Variants in SVEP1 observed in about 807,000 individuals in gnomAD.
The protein encoded by SVEP1 is sushi, von Willebrand factor type A, EGF and pentraxin domain containing 1.
In SVEP1, 164 loss-of-function variants were observed where a neutral mutation model predicts 367.3. The observed-to-expected ratio is 0.45, with a 90% CI of 0.39 to 0.51. The LOEUF is 0.51. Ranked by LOEUF, SVEP1 falls within the 20% of genes least tolerant of loss-of-function variation. SVEP1 has a pLI of 0.00. For synonymous variants in SVEP1, 1,666 were observed against 1,611.6 expected, an observed-to-expected ratio of 1.03 and a Z score of -0.81; for missense variants, 4,117 against 4,425.3, an observed-to-expected ratio of 0.93 and a Z score of 1.98.
At chr9:110,441,918 C>T (rs894419143) in intron 27 of SVEP1, among the ~76,000 whole-genome samples, 4 of 152,298 alleles carry the variant, frequency 2.6e-5, no homozygotes, top group African/African-American at 9.6e-5. Flanking sequence ...GGGTGAAAAC[C>T]TCAATCCTTA....
chr9:110,502,943 C>T (rs1829558961), intron 6 of SVEP1, 95 bp downstream of exon 6: 2 of 1,321,016 alleles, frequency 1.5e-6, no homozygotes, highest in Non-Finnish European at 2.1e-6. Flanking sequence ...TACTCATTAC[C>T]AGCTAGTGTT....
At chr9:110,390,307 AAG>A (rs1306399166) in intron 40 of SVEP1, among the ~76,000 whole-genome samples, 5 of 104,812 alleles carry the variant, frequency 4.8e-5, no homozygotes, top group Non-Finnish European at 8.1e-5. Context: ...ATACTTATAT[AAG>A]TATGTGTATA....
At chr9:110,439,864 G>T (rs1046022587) in intron 27 of SVEP1, among the ~76,000 whole-genome samples, 1 of 152,134 alleles carries the variant, frequency 6.6e-6, no homozygotes, top group Non-Finnish European at 1.5e-5. Flanking sequence ...TCCTTAGGTG[G>T]TTACTGTAAG....
chr9:110,460,593 A>C (rs975845980), intron 18 of SVEP1, among the ~76,000 whole-genome samples: 1 of 152,264 alleles, frequency 6.6e-6, no homozygotes, highest in African/African-American at 2.4e-5. Context: ...TCTCTACTAA[A>C]AGTACAAAAA....
rs71371665 is a variant in SVEP1, at chr9:110,403,296, G to GTTTTTTTTTTTTTTTTTTTTTTTT, written c.9666+1007_9666+1030dup. Among the ~76,000 whole-genome samples the GTTTTTTTTTTTTTTTTTTTTTTTT allele has an allele frequency of 1.2e-4, 5 of 43,462 alleles. 2 individuals carry two copies. The highest frequency in any genetic ancestry group is 6.0e-4 in the African/African-American group (5 of 8,394). The allele number at this position is 43,462 out of a possible 152,430, so 28.5% of individuals were successfully genotyped here. The stretch of plus-strand genomic sequence containing the variant: ...TGATGATTCCTTCCCCGCCACCGCC[G>GTTTTTTTTTTTTTTTTTTTTTTTT]TTTTTTTTTTTTTTTTTTTTTTTTT... On this transcript the variant is annotated intron_variant, in intron 39 of 47. Coordinates refer to ENST00000374469, the MANE Select transcript of SVEP1 (RefSeq NM_153366.4).
At chr9:110,430,063 A>C in intron 33 of SVEP1, 59 bp from the exon 34 acceptor site, 7 of 1,544,464 alleles carry the variant, frequency 4.5e-6, no homozygotes, top group Non-Finnish European at 6.2e-6. Flanking sequence ...AAATCTTTGA[A>C]ATTTCAAGGG....
Position 110,387,319 on chromosome 9 carries a change from A to G in SVEP1, c.10026T>C (p.Asn3342=), listed in dbSNP as rs1827540506. 3 of 1,606,268 alleles carry G rather than the reference A, an allele frequency of 1.9e-6. No individual in the cohort carries two copies. Among genetic ancestry groups the G allele is most frequent in the East Asian group, 2.2e-5 (1 of 44,800 alleles). ...GAGGGACTGGGTGGCTCCAGGTTCC[A>G]TTTTCTGTGCAGTGTGCCTCAGATG... ...EGPSEAHCTE[N]GTWSHPVPLC... Residue 3342 remains asparagine, a synonymous_variant, in exon 42 of 48, where the codon AAT becomes AAC. Transcript: ENST00000374469.
intron 46 of SVEP1, 127 bp downstream of exon 46, chr9:110,375,241 A>C (rs1328325351): frequency 1.2e-6 from 1 of 808,070 alleles, no homozygotes; most frequent in Non-Finnish European, 1.9e-6. Flanking sequence ...CATCTTGAGG[A>C]ATTTTTGAGA....
intron 30 of SVEP1, among the ~76,000 whole-genome samples, chr9:110,432,962 T>C (rs1828374007): frequency 6.6e-6 from 1 of 152,300 alleles, no homozygotes; most frequent in East Asian, 1.9e-4. Flanking sequence ...GTTTGGGTCA[T>C]AGGGGCAGAT....
At chr9:110,552,189 G>C (rs778735724) in intron 1 of SVEP1, among the ~76,000 whole-genome samples, 34 of 151,798 alleles carry the variant, frequency 2.2e-4, no homozygotes, top group Non-Finnish European at 3.4e-4. Context: ...ATACCACCAT[G>C]CCCAGCTAAT....
chr9:110,425,516 T>C (rs1828240342), intron 36 of SVEP1, among the ~76,000 whole-genome samples: 1 of 152,224 alleles, frequency 6.6e-6, no homozygotes, highest in East Asian at 1.9e-4. Context: ...CCTTCATGTC[T>C]TAGCTATAAA....
intron 24 of SVEP1, among the ~76,000 whole-genome samples, chr9:110,448,341 T>C (rs967110288): frequency 2.0e-5 from 3 of 152,248 alleles, no homozygotes; most frequent in Non-Finnish European, 4.4e-5. Context: ...GACTGAAATA[T>C]TTTGTAATTT....
At chr9:110,548,062 C>G (rs962633596) in intron 2 of SVEP1, among the ~76,000 whole-genome samples, 2 of 152,140 alleles carry the variant, frequency 1.3e-5, no homozygotes, top group African/African-American at 4.8e-5. Context: ...GTTGATAGCA[C>G]TCATAATTTC....
intron 1 of SVEP1, among the ~76,000 whole-genome samples, chr9:110,550,748 G>T (rs1446570937): frequency 6.6e-6 from 1 of 152,192 alleles, no homozygotes; most frequent in Non-Finnish European, 1.5e-5. Flanking sequence ...GTGGTATCCA[G>T]AAATACTGAT....
intron 32 of SVEP1, 67 bp from the exon 33 acceptor site, chr9:110,430,517 A>G: frequency 6.8e-7 from 1 of 1,475,182 alleles, no homozygotes; most frequent in Non-Finnish European, 9.1e-7. Flanking sequence ...TCTCACAGCA[A>G]AAGAATTCCA....
chr9:110,393,008 A>C (rs1827688181), intron 40 of SVEP1, among the ~76,000 whole-genome samples: 1 of 152,166 alleles, frequency 6.6e-6, no homozygotes, highest in African/African-American at 2.4e-5. Flanking sequence ...TATTTTAAAA[A>C]CTTTCTCAAG....
intron 40 of SVEP1, among the ~76,000 whole-genome samples, chr9:110,395,721 G>C (rs1827747968): frequency 6.6e-6 from 1 of 150,940 alleles, no homozygotes; most frequent in African/African-American, 2.4e-5. Context: ...TGATAAAACA[G>C]ACTTTAAACC....
At chr9:110,393,439 C>G (rs561908564) in intron 40 of SVEP1, among the ~76,000 whole-genome samples, 4 of 152,190 alleles carry the variant, frequency 2.6e-5, no homozygotes, top group Admixed American at 1.3e-4. Context: ...CAGCTCCCAG[C>G]GTGAGCGACG....
At chr9:110,523,352 G>A (rs1829902047) in intron 3 of SVEP1, among the ~76,000 whole-genome samples, 1 of 152,098 alleles carries the variant, frequency 6.6e-6, no homozygotes, top group Non-Finnish European at 1.5e-5. Flanking sequence ...TTTTGTATAT[G>A]TTTGATGTCA....
Sources: allele counts gnomAD v4.1 joint callset (sites outside exome capture counted in the v4.1 genomes callset), GRCh38; gene constraint gnomAD v4.1.1; transcripts MANE v1.5; gene names NCBI Gene and HGNC (gene_info 2026-07-23, HGNC 2026-07-21).